ARID1B: variants seen among roughly 807,000 people sequenced by gnomAD.
ARID1B encodes AT-rich interaction domain 1B.
ARID1B carries 30 observed loss-of-function variants against 212.3 expected under a neutral mutation model. The observed-to-expected ratio is 0.14, with a 90% CI of 0.11 to 0.19. The LOEUF is 0.19. Ranked by LOEUF, ARID1B falls within the 10% of genes least tolerant of loss-of-function variation. The pLI is 1.00. For missense variants in ARID1B, 2,891 were observed against 3,204.0 expected, an observed-to-expected ratio of 0.90 and a Z score of 2.36; for synonymous variants, 1,402 against 1,301.7, an observed-to-expected ratio of 1.08 and a Z score of -1.66.
intron 1 of ARID1B, among the ~76,000 whole-genome samples, chr6:156,795,111 G>A (rs1780270727): frequency 1.3e-5 from 2 of 152,196 alleles, no homozygotes; most frequent in South Asian, 4.1e-4. Flanking sequence ...CAGGGTGGCC[G>A]TGAACTAGTC....
At chr6:156,975,278 T>A (rs1777153559) in intron 4 of ARID1B, among the ~76,000 whole-genome samples, 1 of 152,232 alleles carries the variant, frequency 6.6e-6, no homozygotes, top group African/African-American at 2.4e-5. Context: ...GCATTGGCCA[T>A]TTATACACCC....
At chr6:156,835,150 G>A (rs1194542011) in intron 2 of ARID1B, among the ~76,000 whole-genome samples, 1 of 150,386 alleles carries the variant, frequency 6.6e-6, no homozygotes, top group Non-Finnish European at 1.5e-5. Flanking sequence ...TGAGGCAGGA[G>A]TATGGTGTGA....
chr6:157,113,148 C>T (rs1244220821), intron 6 of ARID1B, among the ~76,000 whole-genome samples: 1 of 152,018 alleles, frequency 6.6e-6, no homozygotes, highest in Non-Finnish European at 1.5e-5. Flanking sequence ...CTCCAACTCC[C>T]GACCTCAGGT....
intron 12 of ARID1B, among the ~76,000 whole-genome samples, chr6:157,181,505 A>G (rs1792531351): frequency 6.6e-6 from 1 of 152,216 alleles, no homozygotes; most frequent in Admixed American, 6.5e-5. Flanking sequence ...CATAGTAAAT[A>G]CTCAGAAATG....
intron 19 of ARID1B, chr6:157,204,891 C>G (rs1745095842): frequency 6.6e-6 from 1 of 152,184 alleles, no homozygotes; most frequent in African/African-American, 2.4e-5. Context: ...AGACCAGAAT[C>G]TTCTACTTCT....
In ARID1B at chr6:157,148,652, T is replaced by C. The variant is rs1789972465; in HGVS notation, c.2790T>C (p.Ser930=). 1 of 1,601,090 alleles carries C rather than the reference T, an allele frequency of 6.2e-7. No homozygotes were observed. Among genetic ancestry groups the C allele is most frequent in the East Asian group, 2.3e-5 (1 of 44,444 alleles). ...ACTACTCCAGACCCCCAGCGTATAGTGGGGTGCCCAGTGCAAGCTACAGCG... is the reference window on the plus strand; with the variant it reads ...ACTACTCCAGACCCCCAGCGTATAGCGGGGTGCCCAGTGCAAGCTACAGCG... The part of the protein sequence containing the change: ...QGNYSRPPAY[S]GVPSASYSGP... The change falls in exon 8 of 20, where the codon AGT becomes AGC. Residue 930 remains serine, a synonymous_variant. Coordinates refer to ENST00000636930, the MANE Select transcript of ARID1B (RefSeq NM_001374828.1). This position sits in a 1 kb window ranked among gnomAD's most constrained non-coding sequence, Gnocchi z 5.6.
chr6:157,159,227 C>T (rs1220993105), intron 8 of ARID1B, among the ~76,000 whole-genome samples: 4 of 152,124 alleles, frequency 2.6e-5, no homozygotes, highest in South Asian at 2.1e-4. Context: ...GGAAAGAGTC[C>T]GTAGTAGCAG....
At chr6:157,046,854 C>G (rs1782274509) in intron 4 of ARID1B, among the ~76,000 whole-genome samples, 1 of 152,090 alleles carries the variant, frequency 6.6e-6, no homozygotes, top group African/African-American at 2.4e-5. Flanking sequence ...GAAAATGTAA[C>G]CTAAGATTTT....
At chr6:156,832,855 A>T (rs994962642) in intron 2 of ARID1B, among the ~76,000 whole-genome samples, 4 of 152,058 alleles carry the variant, frequency 2.6e-5, no homozygotes, top group Admixed American at 6.6e-5. Flanking sequence ...TGTTTTTGAG[A>T]TATACTCGTG....
At chr6:156,822,347 G>C (rs1206109872) in intron 1 of ARID1B, among the ~76,000 whole-genome samples, 2 of 152,248 alleles carry the variant, frequency 1.3e-5, no homozygotes, top group Non-Finnish European at 2.9e-5. Context: ...TTTAAATGCA[G>C]GGTTGCATGT....
intron 3 of ARID1B, among the ~76,000 whole-genome samples, chr6:156,908,455 C>T (rs1387219657): frequency 6.6e-6 from 1 of 151,998 alleles, no homozygotes; most frequent in Non-Finnish European, 1.5e-5. Context: ...TCCAAAGTGA[C>T]TTGGTCTTTA....
At chr6:157,043,430 A>C (rs1782017380) in intron 4 of ARID1B, among the ~76,000 whole-genome samples, 1 of 152,142 alleles carries the variant, frequency 6.6e-6, no homozygotes, top group Non-Finnish European at 1.5e-5. Flanking sequence ...CTCATCTGCC[A>C]ACTTGTTTTG....
At chr6:157,115,997 C>G (rs774131863) in intron 6 of ARID1B, among the ~76,000 whole-genome samples, 1 of 152,160 alleles carries the variant, frequency 6.6e-6, no homozygotes, top group Non-Finnish European at 1.5e-5. Context: ...CCTTAAAATA[C>G]TGAAATGAAT....
intron 4 of ARID1B, among the ~76,000 whole-genome samples, chr6:156,966,887 A>G (rs1176206104): frequency 6.6e-6 from 1 of 150,912 alleles, no homozygotes; most frequent in Non-Finnish European, 1.5e-5. Context: ...TTTAGTAGAG[A>G]TGGGGTTTCT....
chr6:157,002,489 T>C (rs1305356450), intron 4 of ARID1B, among the ~76,000 whole-genome samples: 1 of 152,238 alleles, frequency 6.6e-6, no homozygotes, highest in Non-Finnish European at 1.5e-5. Context: ...TTTGCATTTA[T>C]ACAAAGGAAA....
chr6:156,871,488 C>T (rs1452971966), intron 2 of ARID1B: 2 of 764,466 alleles, frequency 2.6e-6, no homozygotes, highest in Admixed American at 4.2e-5. Flanking sequence ...AGATGGGGAC[C>T]TGAGGTTTTC....
At chr6:157,050,483 G>A (rs1163824093) in intron 4 of ARID1B, among the ~76,000 whole-genome samples, 1 of 152,174 alleles carries the variant, frequency 6.6e-6, no homozygotes, top group Non-Finnish European at 1.5e-5. Flanking sequence ...GGCGGGGGTT[G>A]CAGTGAGCGG....
At chr6:157,204,466 A>G (rs1388658320) in intron 19 of ARID1B, 1 of 155,648 alleles carries the variant, frequency 6.4e-6, no homozygotes, top group Non-Finnish European at 1.4e-5. Flanking sequence ...ATACATTTAT[A>G]GAATGTATAA....
At chr6:157,116,182 T>C (rs978336879) in intron 6 of ARID1B, among the ~76,000 whole-genome samples, 1 of 152,188 alleles carries the variant, frequency 6.6e-6, no homozygotes, top group Non-Finnish European at 1.5e-5. Flanking sequence ...AGTATAATAA[T>C]TATTAACATT....
Sources: gnomAD v4.1 joint callset for allele counts (sites outside exome capture counted in the v4.1 genomes callset) on GRCh38, gnomAD v4.1.1 for gene constraint, Gnocchi (gnomAD v3.1) non-coding constraint, MANE v1.5 for transcripts, NCBI Gene and HGNC (gene_info 2026-07-23, HGNC 2026-07-21) for gene names.